TBRG1: variants seen among roughly 807,000 people sequenced by gnomAD.
TBRG1 encodes nuclear interactor of ARF and MDM2.
In TBRG1, 31 loss-of-function variants were observed where a neutral mutation model predicts 44.0. That is an observed-to-expected ratio of 0.70 (90% confidence interval 0.53 to 0.95). TBRG1 has a LOEUF of 0.95. TBRG1 is among the 40% of genes least tolerant of loss of function. The pLI, the probability that TBRG1 is intolerant of heterozygous loss-of-function variation, is 0.00. For synonymous variants in TBRG1, 171 were observed against 188.1 expected (o/e 0.91, Z 0.74); for missense variants, 487 against 496.1 (o/e 0.98, Z 0.18).
At position 124,635,627 on chromosome 11, in the gene TBRG1, A is replaced by AT. The variant is rs1242704182; in HGVS notation, c.*3395dup. On this transcript the variant is annotated 3_prime_UTR_variant, in exon 9 of 9. Coordinates refer to ENST00000441174, the MANE Select transcript of TBRG1 (RefSeq NM_032811.3). Reference sequence around the variant, plus strand: ...TTAATATATTCACTATCTAAACCATATTTTTTACACTACGTAAAATACATT... The same window carrying AT: ...TTAATATATTCACTATCTAAACCATATTTTTTTACACTACGTAAAATACATT... 6.6e-6 allele frequency: 1 copy of AT among 152,246 alleles called. No homozygotes were observed. 9.4% of individuals were successfully genotyped at this position (152,246 alleles called of 1,614,324 possible).
intron 1 of TBRG1, 85 bp from the exon 2 acceptor site, chr11:124,624,844 TGG>T: frequency 3.4e-6 from 3 of 891,630 alleles, no homozygotes; most frequent in Admixed American, 2.6e-5. Context: ...CAAGCTTTTT[TGG>T]TTTGAAATAT....
At chr11:124,628,106 T>TACACAC (rs1565400510) in intron 5 of TBRG1, among the ~76,000 whole-genome samples, 8 of 51,646 alleles carry the variant, frequency 1.5e-4, no homozygotes, top group African/African-American at 8.5e-4. Context: ...TATATATATA[T>TACACAC]ATATATATAT....
rs1942663846 is a variant in TBRG1, at chr11:124,633,883, C to G, written c.*1645C>G. The stretch of plus-strand genomic sequence containing the variant: ...TGAGTAATACCCGTATTAAAAGAGC[C>G]TCATTTTAGAAAGACATTTAAAATT... On this transcript the variant is annotated 3_prime_UTR_variant, in exon 9 of 9. Transcript: ENST00000441174. 6.6e-6 allele frequency: 1 copy of G among 152,098 alleles called. No individual in the cohort carries two copies. Among genetic ancestry groups the G allele is most frequent in the African/African-American group, 2.4e-5 (1 of 41,414 alleles). 9.4% of individuals were successfully genotyped at this position (152,098 alleles called of 1,614,324 possible).
intron 1 of TBRG1, among the ~76,000 whole-genome samples, chr11:124,623,751 G>A (rs937088715): frequency 1.9e-4 from 29 of 152,320 alleles, no homozygotes; most frequent in African/African-American, 6.7e-4. Context: ...AGAGGTACAT[G>A]AAACTGTCAG....
chr11:124,630,579 T>C (rs750504503), intron 6 of TBRG1, 94 bp downstream of exon 6: 7 of 1,116,022 alleles, frequency 6.3e-6, no homozygotes, highest in Non-Finnish European at 9.6e-6. Flanking sequence ...GATACTTTAT[T>C]TTATAGAAAC....
intron 1 of TBRG1, 32 bp downstream of exon 1, chr11:124,623,265 C>G (rs776786936): frequency 6.4e-7 from 1 of 1,550,854 alleles, no homozygotes; most frequent in Admixed American, 2.0e-5. Flanking sequence ...CCGGTCCCCT[C>G]CTGGAGACTC....
In TBRG1 at chr11:124,633,869, C is replaced by T. The variant is rs1335508401; in HGVS notation, c.*1631C>T. 4 of 152,060 alleles carry T rather than the reference C, an allele frequency of 2.6e-5. No homozygotes were observed. The highest frequency in any genetic ancestry group is 2.1e-4 in the South Asian group (1 of 4,822). 9.4% of individuals were successfully genotyped at this position (152,060 alleles called of 1,614,324 possible). ...CCACTATTACAGCCTGAGTAATACC[C>T]GTATTAAAAGAGCCTCATTTTAGAA... On this transcript the variant is annotated 3_prime_UTR_variant, in exon 9 of 9. Coordinates refer to ENST00000441174, the MANE Select transcript of TBRG1 (RefSeq NM_032811.3).
intron 1 of TBRG1, 145 bp from the exon 2 acceptor site, chr11:124,624,786 T>G: frequency 1.6e-6 from 1 of 633,928 alleles, no homozygotes; most frequent in Non-Finnish European, 2.8e-6. Context: ...TCTATGGATT[T>G]ATTTATAGTT....
rs760222701 is a variant in TBRG1 at position 124,625,705 on chromosome 11, C to A, written c.256C>A (p.Leu86Ile). The A allele has an allele frequency of 9.7e-6, 15 of 1,553,296 alleles. No homozygotes were observed. The East Asian group carries it at 3.4e-4, about 35-fold the overall frequency. Residue 86 changes from leucine (L) to isoleucine (I), a missense_variant, in exon 3 of 9, where the codon CTA (leucine) becomes ATA (isoleucine). Physicochemically the swap from Leu to Ile is conservative, Grantham distance 5. Transcript: ENST00000441174. Reference protein sequence around the residue: ...LLKKLLQLQALTEGEVQAAAP... With the variant: ...LLKKLLQLQAITEGEVQAAAP... ...AAAGAAGCTCCTCCAGCTTCAGGCT[C>A]TAACTGAAGGGGAAGTACAGGCTGC...
chr11:124,631,535 G>C (rs1942609799), intron 8 of TBRG1, 118 bp downstream of exon 8: 2 of 1,146,572 alleles, frequency 1.7e-6, no homozygotes, highest in Non-Finnish European at 2.6e-6. Context: ...AGCTTTCATT[G>C]AATCAGCCTT....
intron 1 of TBRG1, among the ~76,000 whole-genome samples, chr11:124,624,713 T>C (rs1942419505): frequency 6.6e-6 from 1 of 152,122 alleles, no homozygotes; most frequent in Non-Finnish European, 1.5e-5. Context: ...CTCAAAGATG[T>C]CCCGGATTGG....
chr11:124,624,924 C>A lies in TBRG1; in HGVS notation c.151-7C>A, dbSNP rs545803632. The A allele has an allele frequency of 3.8e-5, 58 of 1,517,066 alleles. No homozygotes were observed. The African/African-American group carries it at 7.2e-4, about 19-fold the overall frequency. 94.0% of individuals were successfully genotyped at this position (1,517,066 alleles called of 1,614,324 possible). A position where few individuals can be genotyped will look rare whatever the true frequency, so the allele number is the denominator to read the frequency against. On this transcript the variant is annotated splice_region_variant and splice_polypyrimidine_tract_variant and intron_variant, in intron 1 of 8. Transcript: ENST00000441174. ...TTATGTTATTATATTCACATTTTTA[C>A]TTAAAGGAAAATGCTGCTATTTGTG...
At chr11:124,631,960 TA>T (rs755420288) in intron 8 of TBRG1, 132 bp from the exon 9 acceptor site, 60 of 765,990 alleles carry the variant, frequency 7.8e-5, no homozygotes, top group Non-Finnish European at 1.3e-4. Flanking sequence ...TGTCCTATCT[TA>T]ACAAAGGCAA....
At chr11:124,623,310 C>T in intron 1 of TBRG1, 77 bp downstream of exon 1, 1 of 1,463,740 alleles carries the variant, frequency 6.8e-7, no homozygotes, top group Non-Finnish European at 9.4e-7. Flanking sequence ...GTTCCCCCTT[C>T]CCAGTGTGAC....
In TBRG1 at chr11:124,633,157, T is replaced by G. The variant is rs963288833; in HGVS notation, c.*919T>G. 1.3e-5 allele frequency: 2 copies of G among 152,224 alleles called. No individual in the cohort carries two copies. Among genetic ancestry groups the G allele is most frequent in the Non-Finnish European group, 2.9e-5 (2 of 68,062 alleles). The allele number at this position is 152,224 out of a possible 1,614,324, so 9.4% of individuals were successfully genotyped here. On this transcript the variant is annotated 3_prime_UTR_variant, in exon 9 of 9. Coordinates refer to ENST00000441174, the MANE Select transcript of TBRG1 (RefSeq NM_032811.3). Reference sequence around the variant, plus strand: ...AACCTTTGTATTGCACCTCAGATAATGTGCTTTTTAGCTCAGTACACTGAA... The same window carrying G: ...AACCTTTGTATTGCACCTCAGATAAGGTGCTTTTTAGCTCAGTACACTGAA...
intron 5 of TBRG1, among the ~76,000 whole-genome samples, chr11:124,629,578 A>T (rs1436745372): frequency 6.6e-6 from 1 of 152,208 alleles, no homozygotes; most frequent in African/African-American, 2.4e-5. Context: ...CCACAGAAGA[A>T]AACTAACAGT....
chr11:124,624,663 G>A (rs1012866649), intron 1 of TBRG1, among the ~76,000 whole-genome samples: 3 of 152,154 alleles, frequency 2.0e-5, no homozygotes, highest in African/African-American at 4.8e-5. Context: ...CTGGTTCACC[G>A]TATTGTTCTG....
chr11:124,631,894 A>G (rs755173001), intron 8 of TBRG1, 199 bp from the exon 9 acceptor site: 36 of 560,608 alleles, frequency 6.4e-5, no homozygotes, highest in African/African-American at 4.7e-4. Context: ...CTAATATACT[A>G]TATAACCCTA....
At position 124,630,731 on chromosome 11, in the gene TBRG1, C is replaced by T. The variant is rs2134336019; in HGVS notation, c.837-14C>T. On this transcript the variant is annotated splice_polypyrimidine_tract_variant and intron_variant, in intron 6 of 8. Coordinates refer to ENST00000441174, the MANE Select transcript of TBRG1 (RefSeq NM_032811.3). ...GCTAAGCTCTCAAACTAAAATTATC[C>T]CTCTCCTGTTTAGGGGGAAACTAAT... The T allele has an allele frequency of 2.5e-6, 4 of 1,571,848 alleles. No homozygotes were observed. The highest frequency in any genetic ancestry group is 1.1e-5 in the South Asian group (1 of 87,388).
Sources: allele counts gnomAD v4.1 joint callset (sites outside exome capture counted in the v4.1 genomes callset), GRCh38; gene constraint gnomAD v4.1.1; transcripts MANE v1.5; gene names NCBI Gene and HGNC (gene_info 2026-07-23, HGNC 2026-07-21).